Variants in IGSF11 observed in about 807,000 individuals in gnomAD.
The protein encoded by IGSF11 is CXADR like 1.
Under a neutral mutation model 41.0 loss-of-function variants are expected in IGSF11, and 22 were observed. That is an observed-to-expected ratio of 0.54 (90% CI 0.38 to 0.77). The LOEUF (loss-of-function observed/expected upper bound fraction) is 0.77. Ranked by LOEUF, IGSF11 falls within the 30% of genes least tolerant of loss-of-function variation. IGSF11 has a pLI of 0.00. For synonymous variants in IGSF11, 219 were observed against 201.3 expected (o/e 1.09, Z -0.74); for missense variants, 444 against 530.8 (o/e 0.84, Z 1.61).
intron 4 of IGSF11, among the ~76,000 whole-genome samples, chr3:118,924,383 A>G (rs1418587228): frequency 6.6e-6 from 1 of 152,106 alleles, no homozygotes; most frequent in Non-Finnish European, 1.5e-5. Context: ...AAATCTTCTG[A>G]AAAAAATCTA....
At chr3:119,129,900 G>A (rs2077454637) in intron 1 of IGSF11, among the ~76,000 whole-genome samples, 1 of 152,080 alleles carries the variant, frequency 6.6e-6, no homozygotes, top group Non-Finnish European at 1.5e-5. Context: ...TGAGAGGATT[G>A]CTTGAGTCCA....
chr3:119,009,210 A>G (rs556736293), intron 1 of IGSF11, among the ~76,000 whole-genome samples: 2 of 152,318 alleles, frequency 1.3e-5, no homozygotes, highest in Admixed American at 6.5e-5. Context: ...AGAGTAAAAC[A>G]TTTGAAATTC....
At chr3:119,045,599 G>A (rs1347482689) in intron 1 of IGSF11, among the ~76,000 whole-genome samples, 1 of 152,038 alleles carries the variant, frequency 6.6e-6, no homozygotes, top group Non-Finnish European at 1.5e-5. Context: ...GCTTGCTTAG[G>A]TAAACAAAGC....
chr3:118,946,575 T>C (rs1944159810), intron 1 of IGSF11, among the ~76,000 whole-genome samples: 1 of 152,114 alleles, frequency 6.6e-6, no homozygotes, highest in Admixed American at 6.5e-5. Context: ...AAGACTGACA[T>C]AGTAGTCATG....
chr3:118,966,431 A>G (rs1945680293), intron 1 of IGSF11, among the ~76,000 whole-genome samples: 1 of 152,146 alleles, frequency 6.6e-6, no homozygotes, highest in South Asian at 2.1e-4. Context: ...CACCTTTACA[A>G]GCTTGGTTAT....
At chr3:118,908,864 C>A (rs1294399553) in intron 4 of IGSF11, among the ~76,000 whole-genome samples, 1 of 152,180 alleles carries the variant, frequency 6.6e-6, no homozygotes, top group Non-Finnish European at 1.5e-5. Flanking sequence ...AGTTAGACAG[C>A]CTAAGTTTGA....
intron 4 of IGSF11, among the ~76,000 whole-genome samples, chr3:118,907,905 C>T (rs1037895005): frequency 1.3e-5 from 2 of 152,178 alleles, no homozygotes; most frequent in African/African-American, 4.8e-5. Flanking sequence ...ATAAATGTTC[C>T]AATGCTGTTA....
At chr3:118,984,956 A>G (rs1240372301) in intron 1 of IGSF11, among the ~76,000 whole-genome samples, 3 of 152,182 alleles carry the variant, frequency 2.0e-5, no homozygotes, top group Admixed American at 1.3e-4. Context: ...ATGTGAGAAG[A>G]TAAGAAGCCA....
At chr3:119,022,089 T>C (rs1344606238) in intron 1 of IGSF11, among the ~76,000 whole-genome samples, 1 of 152,172 alleles carries the variant, frequency 6.6e-6, no homozygotes, top group Non-Finnish European at 1.5e-5. Flanking sequence ...TGAAAAATTA[T>C]TCAGCAATAA....
chr3:119,043,266 A>C (rs947655791), intron 1 of IGSF11, among the ~76,000 whole-genome samples: 2 of 152,200 alleles, frequency 1.3e-5, no homozygotes, highest in African/African-American at 2.4e-5. Context: ...TTTATATGCC[A>C]ATCATTTTCC....
At chr3:119,105,277 A>AT, upstream of IGSF11, 1 of 893,348 alleles carries the variant, frequency 1.1e-6, no homozygotes. Context: ...ATTTTTTAAA[A>AT]TTTTTAAATA....
chr3:118,902,819 CTG>C lies in IGSF11; in HGVS notation c.995_996del (p.Thr332ArgfsTer8), dbSNP rs1244163506. Reference protein sequence around the residue: ...WSNNPKVHRNTESVSHFSDLG... With the variant: ...WSNNPKVHRNXESVSHFSDLG... The stretch of plus-strand genomic sequence containing the variant: ...AAGTCACTGAAGTGGCTGACTGACT[CTG>C]TGTTTCTATGAACTTTTGGATTGTT... On this transcript the variant is annotated frameshift_variant, in exon 7 of 7. Transcript: ENST00000393775. LOFTEE classifies it high-confidence loss of function. The C allele has an allele frequency of 6.2e-7, 1 of 1,614,160 alleles. No homozygotes were observed. The highest frequency in any genetic ancestry group is 8.5e-7 in the Non-Finnish European group (1 of 1,180,018).
intron 1 of IGSF11, among the ~76,000 whole-genome samples, chr3:119,121,271 T>G (rs1012039651): frequency 8.5e-5 from 13 of 152,054 alleles, no homozygotes; most frequent in South Asian, 2.1e-4. Flanking sequence ...TTAGCTACTA[T>G]TAATGTGTCC....
At chr3:118,926,064 A>G (rs1203643321) in intron 4 of IGSF11, 37 bp downstream of exon 4, 1 of 1,392,968 alleles carries the variant, frequency 7.2e-7, no homozygotes, top group Admixed American at 2.3e-5. Flanking sequence ...ATTGTCCATG[A>G]TAACTAATAA....
intron 1 of IGSF11, among the ~76,000 whole-genome samples, chr3:119,024,110 G>C (rs893644644): frequency 2.6e-5 from 4 of 152,120 alleles, no homozygotes; most frequent in African/African-American, 9.7e-5. Flanking sequence ...AATAACTGTG[G>C]TGGGAGTAAG....
chr3:119,123,134 C>T (rs769471255), intron 1 of IGSF11, among the ~76,000 whole-genome samples: 19 of 152,260 alleles, frequency 1.2e-4, no homozygotes, highest in Non-Finnish European at 2.6e-4. Flanking sequence ...AAAAGTGAGT[C>T]CCAGCCTGGC....
chr3:119,107,606 T>C (rs1321688699), upstream of IGSF11, among the ~76,000 whole-genome samples: 1 of 152,136 alleles, frequency 6.6e-6, no homozygotes, highest in African/African-American at 2.4e-5. Flanking sequence ...ATCCCATTTG[T>C]CAATTTTGGC....
intron 1 of IGSF11, among the ~76,000 whole-genome samples, chr3:119,095,123 A>G (rs980464751): frequency 6.6e-6 from 1 of 152,224 alleles, no homozygotes; most frequent in Non-Finnish European, 1.5e-5. Flanking sequence ...AAACTCAAAC[A>G]AAGTTGGTAT....
At chr3:119,113,550 G>T (rs2107522966) in intron 1 of IGSF11, among the ~76,000 whole-genome samples, 1 of 152,294 alleles carries the variant, frequency 6.6e-6, no homozygotes, top group East Asian at 1.9e-4. Flanking sequence ...GCAACAGGTG[G>T]GCTCCCAAGG....
Sources: gnomAD v4.1 joint callset for allele counts (sites outside exome capture counted in the v4.1 genomes callset) on GRCh38, gnomAD v4.1.1 for gene constraint, MANE v1.5 for transcripts, NCBI Gene and HGNC (gene_info 2026-07-23, HGNC 2026-07-21) for gene names.